TSPAN5: variants seen among roughly 807,000 people sequenced by gnomAD.
TSPAN5 encodes the protein tetraspanin-5.
A neutral mutation model predicts 37.1 loss-of-function variants in TSPAN5; 10 were observed. The observed-to-expected ratio is 0.27, with a 90% CI of 0.17 to 0.46. The LOEUF (loss-of-function observed/expected upper bound fraction) is 0.46, where lower values mean the gene tolerates loss of function less well. TSPAN5 is among the 20% of genes least tolerant of loss of function. The pLI, the probability that TSPAN5 is intolerant of heterozygous loss-of-function variation, is 1.00. For missense variants in TSPAN5, 195 were observed against 326.6 expected, an observed-to-expected ratio of 0.60 and a Z score of 3.11; for synonymous variants, 110 against 118.9, an observed-to-expected ratio of 0.93 and a Z score of 0.48.
Position 98,652,040 on chromosome 4 carries a change from T to TG in TSPAN5, c.81+6105dup, listed in dbSNP as rs1247459300. Among the ~76,000 whole-genome samples, 246 of 151,912 alleles carry TG rather than the reference T, an allele frequency of 1.6e-3. 1 individual carries two copies. Among genetic ancestry groups the TG allele is most frequent in the African/African-American group, 5.4e-3 (225 of 41,394 alleles). On this transcript the variant is annotated intron_variant, in intron 1 of 7. Transcript: ENST00000305798. Reference sequence around the variant, plus strand: ...TAATTTTTAATTTTTAATTTTTTTTTGTAGAGATAGGGTCTCACTATGTTA... The same window carrying TG: ...TAATTTTTAATTTTTAATTTTTTTTTGGTAGAGATAGGGTCTCACTATGTTA...
chr4:98,504,825 G>C (rs1469396340), intron 2 of TSPAN5, among the ~76,000 whole-genome samples: 1 of 152,058 alleles, frequency 6.6e-6, no homozygotes, highest in Non-Finnish European at 1.5e-5. Flanking sequence ...ACTCAGGTCT[G>C]TTTACCCCTG....
intron 1 of TSPAN5, among the ~76,000 whole-genome samples, chr4:98,551,239 C>T (rs77537853): frequency 7.9e-5 from 12 of 152,142 alleles, no homozygotes; most frequent in Non-Finnish European, 1.0e-4. Context: ...CACCTGATCA[C>T]GGTATAGTAT....
At chr4:98,532,627 A>C (rs1307201355) in intron 1 of TSPAN5, among the ~76,000 whole-genome samples, 2 of 134,850 alleles carry the variant, frequency 1.5e-5, no homozygotes, top group Admixed American at 7.6e-5. Context: ...CTGTCATCTG[A>C]AAACAGGGAC....
chr4:98,535,621 G>C (rs958949165), intron 1 of TSPAN5, among the ~76,000 whole-genome samples: 1 of 152,180 alleles, frequency 6.6e-6, no homozygotes, highest in Non-Finnish European at 1.5e-5. Context: ...ATATCCTGGA[G>C]AGTGTTTTCC....
At chr4:98,636,077 T>C (rs916483849) in intron 1 of TSPAN5, among the ~76,000 whole-genome samples, 2 of 152,188 alleles carry the variant, frequency 1.3e-5, no homozygotes, top group Non-Finnish European at 2.9e-5. Flanking sequence ...ATTGTAAAGG[T>C]AGACACCATA....
chr4:98,546,463 A>C (rs910158168), intron 1 of TSPAN5, among the ~76,000 whole-genome samples: 1 of 152,244 alleles, frequency 6.6e-6, no homozygotes, highest in Non-Finnish European at 1.5e-5. Flanking sequence ...GAAGACCAGC[A>C]GTATTCCCCG....
At chr4:98,540,665 G>C (rs1398544314) in intron 1 of TSPAN5, among the ~76,000 whole-genome samples, 1 of 152,016 alleles carries the variant, frequency 6.6e-6, no homozygotes, top group Non-Finnish European at 1.5e-5. Context: ...CTTAATTCCC[G>C]GACTGAAAAC....
At chr4:98,636,029 T>C (rs1756851131) in intron 1 of TSPAN5, among the ~76,000 whole-genome samples, 1 of 152,248 alleles carries the variant, frequency 6.6e-6, no homozygotes, top group Admixed American at 6.5e-5. Context: ...CTGAGCTAAG[T>C]GCTTTGTACT....
intron 1 of TSPAN5, among the ~76,000 whole-genome samples, chr4:98,600,105 T>C (rs1049062851): frequency 6.6e-6 from 1 of 152,222 alleles, no homozygotes; most frequent in African/African-American, 2.4e-5. Context: ...ATCTAGTAAG[T>C]GTGCAATGCC....
Position 98,476,195 on chromosome 4 carries a change from C to T in TSPAN5, c.735G>A (p.Leu245=), listed in dbSNP as rs1308934939. 6.2e-7 allele frequency: 1 copy of T among 1,613,102 alleles called. No homozygotes were observed. The highest frequency in any genetic ancestry group is 1.1e-5 in the South Asian group (1 of 91,048). The change falls in exon 7 of 8, where the codon TTG becomes TTA. Residue 245 remains leucine (L), a synonymous_variant. Coordinates refer to ENST00000305798, the MANE Select transcript of TSPAN5 (RefSeq NM_005723.4). ...TAAAGGACCCTTATCTTACCTGCAGCAATGCAATGCCTATGAAAATACCAG... is the reference window on the plus strand; with the variant it reads ...TAAAGGACCCTTATCTTACCTGCAGTAATGCAATGCCTATGAAAATACCAG... ...IVAGIFIGIA[L]LQIFGICLAQ... is the part of the protein sequence containing the mutation.
intron 7 of TSPAN5, among the ~76,000 whole-genome samples, chr4:98,475,189 A>G (rs1481762734): frequency 2.6e-5 from 4 of 152,174 alleles, no homozygotes; most frequent in East Asian, 1.9e-4. Context: ...CAGCTTGTCC[A>G]TTTTTGCTAA....
At chr4:98,598,427 G>A (rs1356118779) in intron 1 of TSPAN5, among the ~76,000 whole-genome samples, 8 of 151,278 alleles carry the variant, frequency 5.3e-5, no homozygotes, top group Non-Finnish European at 1.2e-4. Flanking sequence ...GCTGTAGACC[G>A]GAGCTGTTCC....
chr4:98,648,085 A>G (rs1579054611), intron 1 of TSPAN5, among the ~76,000 whole-genome samples: 1 of 152,324 alleles, frequency 6.6e-6, no homozygotes, highest in South Asian at 2.1e-4. Flanking sequence ...CTTTCTAAAG[A>G]ACACTGGCAA....
chr4:98,501,394 T>C (rs1753345269), intron 2 of TSPAN5, among the ~76,000 whole-genome samples: 1 of 152,234 alleles, frequency 6.6e-6, no homozygotes, highest in African/African-American at 2.4e-5. Context: ...ATTCATTCTT[T>C]CATAAGCAAT....
chr4:98,532,488 G>A (rs967694425), intron 1 of TSPAN5, among the ~76,000 whole-genome samples: 1 of 151,970 alleles, frequency 6.6e-6, no homozygotes, highest in African/African-American at 2.4e-5. Flanking sequence ...TTGGCTCTCT[G>A]TTTGTCTGTT....
At chr4:98,585,621 T>A (rs1469115881) in intron 1 of TSPAN5, among the ~76,000 whole-genome samples, 1 of 152,204 alleles carries the variant, frequency 6.6e-6, no homozygotes, top group African/African-American at 2.4e-5. Context: ...ATTATTCCAC[T>A]CTCTATGTCC....
chr4:98,562,023 T>C (rs1443422143), intron 1 of TSPAN5, among the ~76,000 whole-genome samples: 1 of 152,196 alleles, frequency 6.6e-6, no homozygotes, highest in Non-Finnish European at 1.5e-5. Context: ...GTAGGCTCCA[T>C]GATGGCAATG....
At position 98,593,940 on chromosome 4, in the gene TSPAN5, A is replaced by G. The variant is rs192912319; in HGVS notation, c.81+64206T>C. On this transcript the variant is annotated intron_variant, in intron 1 of 7. Transcript: ENST00000305798. ...AATGTGGGCTCTTTTTTGATTCCAT[A>G]TGAACTTGAAAGTAGTTTTTTACAA... 4.4e-4 allele frequency among the ~76,000 whole-genome samples: 29 copies of G among 65,458 alleles called. 5 individuals carry two copies. In the East Asian group the frequency reaches 7.8e-3, roughly 18 times the overall value. 42.9% of individuals were successfully genotyped at this position (65,458 alleles called of 152,430 possible). A position where few individuals can be genotyped will look rare whatever the true frequency, so the allele number is the denominator to read the frequency against.
intron 2 of TSPAN5, chr4:98,496,437 C>G (rs941853260): frequency 6.6e-6 from 1 of 152,182 alleles, no homozygotes; most frequent in African/African-American, 2.4e-5. Flanking sequence ...TAAAAGACGA[C>G]TAGCTGCTTC....
Sources: allele counts gnomAD v4.1 joint callset (sites outside exome capture counted in the v4.1 genomes callset), GRCh38; gene constraint gnomAD v4.1.1; transcripts MANE v1.5; gene names NCBI Gene and HGNC (gene_info 2026-07-23, HGNC 2026-07-21).